Variants in CHSY3 observed in about 807,000 individuals in gnomAD.
CHSY3 encodes the protein N-acetylgalactosaminyl-proteoglycan 3-beta-glucuronosyltransferase 3.
In CHSY3, 35 loss-of-function variants were observed where a neutral mutation model predicts 67.2. The observed-to-expected ratio is 0.52, with a 90% CI of 0.40 to 0.69. CHSY3 has a LOEUF of 0.69. Among genes scored for constraint, CHSY3 ranks in the 30% least tolerant of loss-of-function variants. The probability of loss-of-function intolerance (pLI) is 0.00; values close to 1 mark genes in which losing one functional copy is unlikely to be tolerated. For synonymous variants in CHSY3, 474 were observed against 434.7 expected, an observed-to-expected ratio of 1.09 and a Z score of -1.12; for missense variants, 1,069 against 1,138.5, an observed-to-expected ratio of 0.94 and a Z score of 0.88.
At chr5:130,096,517 T>C (rs1381817923) in intron 2 of CHSY3, among the ~76,000 whole-genome samples, 3 of 152,326 alleles carry the variant, frequency 2.0e-5, no homozygotes, top group Non-Finnish European at 2.9e-5. Flanking sequence ...AAATCTTCCA[T>C]GGTTATGTAA....
intron 2 of CHSY3, among the ~76,000 whole-genome samples, chr5:129,981,351 A>G: frequency 6.6e-6 from 1 of 151,918 alleles, no homozygotes; most frequent in East Asian, 1.9e-4. Flanking sequence ...CTGTAGCTTT[A>G]TATTAAATTA....
intron 2 of CHSY3, among the ~76,000 whole-genome samples, chr5:130,169,987 A>T (rs1240221934): frequency 6.6e-6 from 1 of 152,012 alleles, no homozygotes; most frequent in Non-Finnish European, 1.5e-5. Context: ...TTTTAAATAA[A>T]ATATTTTATT....
chr5:130,150,053 G>A (rs1769189567), intron 2 of CHSY3, among the ~76,000 whole-genome samples: 1 of 152,142 alleles, frequency 6.6e-6, no homozygotes. Flanking sequence ...TAGATCAGGG[G>A]TGTATTTTGA....
At chr5:130,171,329 T>C (rs1224743901) in intron 2 of CHSY3, among the ~76,000 whole-genome samples, 3 of 152,136 alleles carry the variant, frequency 2.0e-5, no homozygotes, top group African/African-American at 4.8e-5. Flanking sequence ...TTTTTTCTTA[T>C]TAGAGTGATA....
intron 2 of CHSY3, among the ~76,000 whole-genome samples, chr5:129,956,127 A>C (rs1762165047): frequency 6.6e-6 from 1 of 152,156 alleles, no homozygotes; most frequent in African/African-American, 2.4e-5. Context: ...ACATCTTTCC[A>C]CAATGGTTGA....
At chr5:129,981,966 C>T (rs374557604) in intron 2 of CHSY3, among the ~76,000 whole-genome samples, 1 of 151,992 alleles carries the variant, frequency 6.6e-6, no homozygotes, top group African/African-American at 2.4e-5. Context: ...TGCAATTATT[C>T]TTCTTTAACC....
intron 2 of CHSY3, chr5:130,114,579 G>A (rs1561542584): frequency 6.6e-6 from 1 of 152,092 alleles, no homozygotes; most frequent in Non-Finnish European, 1.5e-5. Flanking sequence ...GATTAAGTAA[G>A]GTAATATATG....
intron 2 of CHSY3, among the ~76,000 whole-genome samples, chr5:129,934,160 T>TA (rs1217094159): frequency 6.6e-6 from 1 of 152,108 alleles, no homozygotes; most frequent in Non-Finnish European, 1.5e-5. Flanking sequence ...GACAAAATTA[T>TA]AAAAAATGAT....
intron 2 of CHSY3, among the ~76,000 whole-genome samples, chr5:129,941,742 C>T (rs1761706147): frequency 6.6e-6 from 1 of 152,120 alleles, no homozygotes; most frequent in Non-Finnish European, 1.5e-5. Context: ...ATTCAGTTCT[C>T]ATGCTCTCTA....
chr5:130,139,331 AT>A (rs1368793424), intron 2 of CHSY3, among the ~76,000 whole-genome samples: 2 of 152,306 alleles, frequency 1.3e-5, no homozygotes, highest in East Asian at 3.9e-4. Context: ...AGAAGTAGAA[AT>A]TACAGCAGGT....
At position 130,185,047 on chromosome 5, in the gene CHSY3, G is replaced by C. The variant is rs560474595; in HGVS notation, c.1905G>C (p.Leu635Phe). The change falls in exon 3 of 3, where the codon TTG becomes TTC. Residue 635 changes from leucine (L) to phenylalanine (F), a missense_variant. Leu to Phe is a conservative substitution (Grantham distance 22). Around this residue, in one of 5 missense-constraint regions of CHSY3, gnomAD observed 401 missense variants for 395.2 expected, o/e 1.01. Coordinates refer to ENST00000305031, the MANE Select transcript of CHSY3 (RefSeq NM_175856.5). The stretch of plus-strand genomic sequence containing the variant: ...TCATCGGAAGGTATGACATTTTCTT[G>C]AGATTCATGGAGAACTTTGAAAACA... ...VPLIGRYDIF[L>F]RFMENFENMC... 4 of 1,599,378 alleles carry C rather than the reference G, an allele frequency of 2.5e-6. No individual in the cohort carries two copies. The South Asian group carries it at 3.3e-5, about 13-fold the overall frequency.
chr5:130,029,045 A>G (rs1411290908), intron 2 of CHSY3, among the ~76,000 whole-genome samples: 1 of 151,774 alleles, frequency 6.6e-6, no homozygotes, highest in African/African-American at 2.4e-5. Context: ...TGTGTTGGAT[A>G]TGATTCTTGA....
chr5:129,961,743 T>G (rs1762330565), intron 2 of CHSY3, among the ~76,000 whole-genome samples: 2 of 152,018 alleles, frequency 1.3e-5, no homozygotes, highest in Admixed American at 1.3e-4. Flanking sequence ...CCTTTAAGCA[T>G]TAATTTGTTT....
chr5:129,913,541 A>T, intron 2 of CHSY3, among the ~76,000 whole-genome samples: 1 of 152,192 alleles, frequency 6.6e-6, no homozygotes, highest in Non-Finnish European at 1.5e-5. Flanking sequence ...TTTGTGTATT[A>T]GCAGAACTGA....
intron 2 of CHSY3, among the ~76,000 whole-genome samples, chr5:130,179,984 T>C: frequency 6.6e-6 from 1 of 152,222 alleles, no homozygotes; most frequent in Non-Finnish European, 1.5e-5. Flanking sequence ...CTGTGTCTTT[T>C]CTACTTCTCT....
At chr5:129,916,727 A>G (rs1383024511) in intron 2 of CHSY3, among the ~76,000 whole-genome samples, 2 of 152,152 alleles carry the variant, frequency 1.3e-5, no homozygotes, top group Non-Finnish European at 2.9e-5. Flanking sequence ...GCTCAAATGT[A>G]TTTATTGAGC....
intron 2 of CHSY3, among the ~76,000 whole-genome samples, chr5:130,019,149 T>A (rs199589976): frequency 5.4e-5 from 2 of 36,938 alleles, no homozygotes; most frequent in Non-Finnish European, 8.6e-5. Context: ...TAGAAAAAAA[T>A]TTTTTTTTCT....
At chr5:130,162,400 AGT>A (rs1349296854) in intron 2 of CHSY3, among the ~76,000 whole-genome samples, 1 of 152,244 alleles carries the variant, frequency 6.6e-6, no homozygotes, top group Admixed American at 6.5e-5. Context: ...ATAGACAAAT[AGT>A]GTGCTTTGCC....
chr5:130,169,549 GTT>G (rs2149731992), intron 2 of CHSY3, among the ~76,000 whole-genome samples: 1 of 152,092 alleles, frequency 6.6e-6, no homozygotes, highest in African/African-American at 2.4e-5. Flanking sequence ...AAAATCCTAA[GTT>G]TGTCCTAACT....
Sources: allele counts gnomAD v4.1 joint callset (sites outside exome capture counted in the v4.1 genomes callset), GRCh38; gene constraint gnomAD v4.1.1; regional missense constraint gnomAD v4.1.1; transcripts MANE v1.5; gene names NCBI Gene and HGNC (gene_info 2026-07-23, HGNC 2026-07-21).